The following ADAMTS20 variants were observed in gnomAD, a reference collection of about 807,000 sequenced individuals.
ADAMTS20 encodes the protein A disintegrin and metalloproteinase with thrombospondin motifs 20.
A neutral mutation model predicts 260.1 loss-of-function variants in ADAMTS20; 225 were observed. The observed-to-expected ratio is 0.87, with a 90% confidence interval of 0.78 to 0.97. ADAMTS20 has a LOEUF of 0.97. ADAMTS20 is among the 50% of genes least tolerant of loss of function. The pLI is 0.00. For missense variants in ADAMTS20, 2,400 were observed against 2,337.7 expected (o/e 1.03, Z -0.55); for synonymous variants, 802 against 769.5 (o/e 1.04, Z -0.70).
chr12:43,371,652 T>C (rs1592031007), intron 36 of ADAMTS20, among the ~76,000 whole-genome samples: 1 of 152,104 alleles, frequency 6.6e-6, no homozygotes, highest in Non-Finnish European at 1.5e-5. Context: ...TCCCGGCAGA[T>C]GGAACAGTAA....
intron 4 of ADAMTS20, among the ~76,000 whole-genome samples, chr12:43,498,254 T>G (rs1231836965): frequency 6.6e-6 from 1 of 152,220 alleles, no homozygotes; most frequent in Non-Finnish European, 1.5e-5. Context: ...TCAAGTCACA[T>G]TCTTTATTTC....
At chr12:43,375,316 A>G in intron 36 of ADAMTS20, 63 bp downstream of exon 36, 1 of 1,536,942 alleles carries the variant, frequency 6.5e-7, no homozygotes, top group Non-Finnish European at 8.8e-7. Context: ...ATACCAACAT[A>G]TTGTTTGACG....
At chr12:43,472,204 G>C (rs1367228587) in intron 7 of ADAMTS20, among the ~76,000 whole-genome samples, 9 of 149,188 alleles carry the variant, frequency 6.0e-5, no homozygotes, top group Non-Finnish European at 1.3e-4. Flanking sequence ...AGCCTCAGGA[G>C]CCGATGCGAT....
At chr12:43,501,212 C>A (rs1942754975) in intron 4 of ADAMTS20, among the ~76,000 whole-genome samples, 2 of 151,878 alleles carry the variant, frequency 1.3e-5, no homozygotes, top group Admixed American at 1.3e-4. Flanking sequence ...GCATTCACCA[C>A]CACGCCTGGC....
At position 43,513,875 on chromosome 12, in the gene ADAMTS20, C is replaced by G. The variant is rs182301857; in HGVS notation, c.614-11470G>C. On this transcript the variant is annotated intron_variant, in intron 3 of 38. Transcript: ENST00000389420. ...GAATTGAACAATGAGAACACATAGACACAGGAAGGGGAACATCACACCCCC... is the reference window on the plus strand; with the variant it reads ...GAATTGAACAATGAGAACACATAGAGACAGGAAGGGGAACATCACACCCCC... Among the ~76,000 whole-genome samples, 394 of 146,598 alleles carry G rather than the reference C, an allele frequency of 2.7e-3. 4 individuals are homozygous for G. The highest frequency in any genetic ancestry group is 4.0e-3 in the Admixed American group (58 of 14,446).
At chr12:43,415,205 T>C (rs1941106265) in intron 28 of ADAMTS20, among the ~76,000 whole-genome samples, 1 of 152,174 alleles carries the variant, frequency 6.6e-6, no homozygotes, top group African/African-American at 2.4e-5. Flanking sequence ...GGGAAGATAG[T>C]AACTGCAAGG....
At chr12:43,471,266 C>A (rs564375263) in intron 7 of ADAMTS20, among the ~76,000 whole-genome samples, 1 of 152,098 alleles carries the variant, frequency 6.6e-6, no homozygotes, top group Non-Finnish European at 1.5e-5. Flanking sequence ...CCGAATATTG[C>A]GCTTTTCAGA....
At chr12:43,373,901 G>A in intron 36 of ADAMTS20, among the ~76,000 whole-genome samples, 1 of 151,420 alleles carries the variant, frequency 6.6e-6, no homozygotes, top group Non-Finnish European at 1.5e-5. Flanking sequence ...GGATGGTCTC[G>A]ATCTCCTGAC....
chr12:43,504,184 G>A (rs1462443648), intron 3 of ADAMTS20, among the ~76,000 whole-genome samples: 1 of 152,062 alleles, frequency 6.6e-6, no homozygotes, highest in African/African-American at 2.4e-5. Context: ...CCAGCAGTGT[G>A]TAAACATTCC....
At chr12:43,528,146 A>T (rs946928204) in intron 3 of ADAMTS20, among the ~76,000 whole-genome samples, 2 of 151,994 alleles carry the variant, frequency 1.3e-5, no homozygotes, top group Non-Finnish European at 2.9e-5. Context: ...GAGGTGAAAG[A>T]TCTCAACAAG....
At chr12:43,410,705 G>A (rs1229229061) in intron 28 of ADAMTS20, among the ~76,000 whole-genome samples, 2 of 152,162 alleles carry the variant, frequency 1.3e-5, no homozygotes, top group Non-Finnish European at 2.9e-5. Flanking sequence ...TTACTTCTAG[G>A]GGAGGAAAGA....
chr12:43,493,213 A>C lies in ADAMTS20; in HGVS notation c.908T>G (p.Ile303Arg). 1 of 1,562,358 alleles carries C rather than the reference A, an allele frequency of 6.4e-7. No individual in the cohort carries two copies. Among genetic ancestry groups the C allele is most frequent in the Non-Finnish European group, 8.7e-7 (1 of 1,152,072 alleles). The change falls in exon 5 of 39, where the codon ATA becomes AGA. Residue 303 changes from isoleucine to arginine, a missense_variant. By Grantham distance (97) the Ile-to-Arg change is moderately conservative. Coordinates refer to ENST00000389420, the MANE Select transcript of ADAMTS20 (RefSeq NM_025003.5). ...IYKDPSIGNL[I>R]HIVVVKLVMI... ...AACTAATTTTACCACTACTATGTGT[A>C]TCAAATTTCCAATACTTGGATCTTT...
chr12:43,391,383 C>CT (rs968236151), intron 29 of ADAMTS20, among the ~76,000 whole-genome samples: 1 of 152,042 alleles, frequency 6.6e-6, no homozygotes, highest in African/African-American at 2.4e-5. Flanking sequence ...AAGTTCTGTT[C>CT]TTTTTTACTC....
At chr12:43,443,299 A>C (rs1941700616) in intron 16 of ADAMTS20, among the ~76,000 whole-genome samples, 1 of 152,222 alleles carries the variant, frequency 6.6e-6, no homozygotes, top group Non-Finnish European at 1.5e-5. Context: ...GCTAACAGAC[A>C]ATATACTGTG....
intron 4 of ADAMTS20, among the ~76,000 whole-genome samples, chr12:43,501,733 G>A (rs976552627): frequency 2.0e-5 from 3 of 152,038 alleles, no homozygotes; most frequent in African/African-American, 4.8e-5. Context: ...AATATTAAGC[G>A]TCCAAATTTC....
intron 3 of ADAMTS20, among the ~76,000 whole-genome samples, chr12:43,530,056 G>A (rs562641762): frequency 6.6e-6 from 1 of 152,070 alleles, no homozygotes; most frequent in South Asian, 2.1e-4. Context: ...TTTACATTTT[G>A]TTAGATAAAT....
chr12:43,408,869 G>A (rs2137267176), intron 28 of ADAMTS20, among the ~76,000 whole-genome samples: 2 of 152,266 alleles, frequency 1.3e-5, no homozygotes, highest in Middle Eastern at 6.8e-3. Context: ...GGGATTTGGT[G>A]TCAGAGGCCT....
At chr12:43,423,293 T>G (rs757171057) in intron 28 of ADAMTS20, 1 of 161,612 alleles carries the variant, frequency 6.2e-6, no homozygotes, top group African/African-American at 2.4e-5. Flanking sequence ...CCAATAGAAC[T>G]TATTTTAAAA....
chr12:43,496,806 T>C (rs993887506), intron 4 of ADAMTS20, among the ~76,000 whole-genome samples: 1 of 152,148 alleles, frequency 6.6e-6, no homozygotes, highest in Non-Finnish European at 1.5e-5. Flanking sequence ...AATAATTAGA[T>C]ATCTTCATGG....
Sources: allele counts gnomAD v4.1 joint callset (sites outside exome capture counted in the v4.1 genomes callset), GRCh38; gene constraint gnomAD v4.1.1; transcripts MANE v1.5; gene names NCBI Gene and HGNC (gene_info 2026-07-23, HGNC 2026-07-21).